The following GABRB3 variants were observed in gnomAD, a reference collection of about 807,000 sequenced individuals.
The protein encoded by GABRB3 is gamma-aminobutyric acid receptor subunit beta-3.
GABRB3 carries 14 observed loss-of-function variants against 52.1 expected under a neutral mutation model. The ratio of observed to expected loss-of-function variants is 0.27; its 90% CI spans 0.18 to 0.42. GABRB3 has a LOEUF of 0.42. Ranked by LOEUF, GABRB3 falls within the 10% of genes least tolerant of loss-of-function variation. GABRB3 has a pLI of 1.00. For synonymous variants in GABRB3, 260 were observed against 232.3 expected, an observed-to-expected ratio of 1.12 and a Z score of -1.08; for missense variants, 307 against 609.1, an observed-to-expected ratio of 0.50 and a Z score of 5.22.
intron 3 of GABRB3, among the ~76,000 whole-genome samples, chr15:26,643,644 GT>G (rs1357871755): frequency 4.6e-5 from 7 of 151,994 alleles, no homozygotes; most frequent in Admixed American, 4.6e-4. Flanking sequence ...GTGTGTGTGT[GT>G]GTGGGTTCAC....
At position 26,628,326 on chromosome 15, in the gene GABRB3, G is replaced by A. The variant is rs533647774; in HGVS notation, c.241-6792C>T. Among the ~76,000 whole-genome samples, 22 of 152,316 alleles carry A rather than the reference G, an allele frequency of 1.4e-4. No individual in the cohort carries two copies. In the South Asian group the frequency reaches 3.3e-3, roughly 23 times the overall value. On this transcript the variant is annotated intron_variant, in intron 3 of 8. Coordinates refer to ENST00000311550, the MANE Select transcript of GABRB3 (RefSeq NM_000814.6). ...AGCAAATGTTTATTGAGTGCTTACC[G>A]CCTGCTAGGCAACTTGGGGGAGGCG...
At chr15:26,660,039 G>A (rs570050786) in intron 3 of GABRB3, among the ~76,000 whole-genome samples, 15 of 152,044 alleles carry the variant, frequency 9.9e-5, no homozygotes, top group African/African-American at 1.4e-4. Flanking sequence ...AGACCAACCC[G>A]GCCAACACGG....
At chr15:26,601,478 C>T (rs1179711736) in intron 4 of GABRB3, among the ~76,000 whole-genome samples, 7 of 151,178 alleles carry the variant, frequency 4.6e-5, no homozygotes. Context: ...AGGAGGACAA[C>T]AAAAAAGGAA....
intron 3 of GABRB3, among the ~76,000 whole-genome samples, chr15:26,727,951 C>T (rs1242183615): frequency 6.6e-6 from 1 of 152,212 alleles, no homozygotes; most frequent in African/African-American, 2.4e-5. Context: ...TCACGTACCC[C>T]TGAGAGAAAC....
At chr15:26,687,984 T>C (rs1888460699) in intron 3 of GABRB3, among the ~76,000 whole-genome samples, 2 of 152,196 alleles carry the variant, frequency 1.3e-5, no homozygotes, top group South Asian at 4.1e-4. Flanking sequence ...GTGGACAACC[T>C]ATTACTGAGG....
chr15:26,618,297 G>A (rs919437435), intron 4 of GABRB3, among the ~76,000 whole-genome samples: 1 of 151,690 alleles, frequency 6.6e-6, no homozygotes, highest in African/African-American at 2.4e-5. Context: ...AAAACAGCAT[G>A]GTACTGGTAC....
At chr15:26,754,796 C>T (rs1890612616) in intron 3 of GABRB3, among the ~76,000 whole-genome samples, 1 of 152,132 alleles carries the variant, frequency 6.6e-6, no homozygotes, top group Non-Finnish European at 1.5e-5. Context: ...GAGGTGTGTG[C>T]AGTGATGATG....
At chr15:26,670,216 G>A (rs1333107879) in intron 3 of GABRB3, among the ~76,000 whole-genome samples, 2 of 152,228 alleles carry the variant, frequency 1.3e-5, no homozygotes, top group East Asian at 3.9e-4. Flanking sequence ...CGGCGAGCGG[G>A]AGGGAGGCCA....
chr15:26,665,594 T>C (rs560772824), intron 3 of GABRB3, among the ~76,000 whole-genome samples: 2 of 152,226 alleles, frequency 1.3e-5, no homozygotes, highest in Admixed American at 1.3e-4. Flanking sequence ...GAATAGGAAA[T>C]AAGGCAGAAA....
At chr15:26,610,628 GT>G (rs773349570) in intron 4 of GABRB3, among the ~76,000 whole-genome samples, 13 of 152,174 alleles carry the variant, frequency 8.5e-5, no homozygotes, top group Non-Finnish European at 1.6e-4. Context: ...GTGGGATGGA[GT>G]TATGTGATGA....
intron 3 of GABRB3, among the ~76,000 whole-genome samples, chr15:26,760,826 C>CACACACACACACACA (rs1442894453): frequency 4.6e-5 from 7 of 151,636 alleles, no homozygotes; most frequent in Non-Finnish European, 1.0e-4. Context: ...CACACACACA[C>CACACACACACACACA]AAGCAAACAA....
intron 3 of GABRB3, among the ~76,000 whole-genome samples, chr15:26,661,948 T>C (rs573091586): frequency 1.3e-5 from 2 of 152,276 alleles, no homozygotes; most frequent in South Asian, 2.1e-4. Context: ...AAAAAAAATG[T>C]TGCATTATAT....
intron 4 of GABRB3, chr15:26,616,097 C>T (rs1354129620): frequency 1.9e-5 from 24 of 1,287,236 alleles, no homozygotes; most frequent in Non-Finnish European, 2.2e-5. Context: ...TGTTGGGTTA[C>T]ACACACTGGC....
intron 3 of GABRB3, among the ~76,000 whole-genome samples, chr15:26,721,766 C>T (rs546339193): frequency 6.6e-6 from 1 of 152,052 alleles, no homozygotes; most frequent in South Asian, 2.1e-4. Flanking sequence ...CCCTGACAGG[C>T]ATCATAAATC....
Position 26,543,977 on chromosome 15 carries a change from T to A in GABRB3, c.*3816A>T, listed in dbSNP as rs1363041143. On this transcript the variant is annotated 3_prime_UTR_variant, in exon 9 of 9. Coordinates refer to ENST00000311550, the MANE Select transcript of GABRB3 (RefSeq NM_000814.6). The stretch of plus-strand genomic sequence containing the variant: ...AAGAGGTAATCAATCCAAGGCACAC[T>A]AGCTAGTGTCCTGGAAAAATTTAAT... 1 of 152,590 alleles carries A rather than the reference T, an allele frequency of 6.6e-6. No individual in the cohort carries two copies. Among genetic ancestry groups the A allele is most frequent in the South Asian group, 2.1e-4 (1 of 4,824 alleles). The allele number at this position is 152,590 out of a possible 1,614,324, so 9.5% of individuals were successfully genotyped here. A position where few individuals can be genotyped will look rare whatever the true frequency, so the allele number is the denominator to read the frequency against.
intron 3 of GABRB3, among the ~76,000 whole-genome samples, chr15:26,766,019 C>T (rs1234042968): frequency 6.6e-6 from 1 of 152,154 alleles, no homozygotes; most frequent in African/African-American, 2.4e-5. Flanking sequence ...GAGGTTAACA[C>T]CTCTATTACC....
rs972575207 is a variant in GABRB3 at position 26,621,298 on chromosome 15, G to A, written c.461+16C>T. The stretch of plus-strand genomic sequence containing the variant: ...ACCATGCAACAGCAAAATTGGTCCT[G>A]AAGAGGCACACAGACCTGAGCCCAT... On this transcript the variant is annotated intron_variant, in intron 4 of 8. Transcript: ENST00000311550. The surrounding 1 kb of genome is among the most constrained non-coding windows in gnomAD (Gnocchi z 4.1). 1 of 1,610,142 alleles carries A rather than the reference G, an allele frequency of 6.2e-7. No homozygotes were observed. Among genetic ancestry groups the A allele is most frequent in the Non-Finnish European group, 8.5e-7 (1 of 1,177,566 alleles).
At chr15:26,678,956 G>A (rs1202952203) in intron 3 of GABRB3, among the ~76,000 whole-genome samples, 1 of 152,172 alleles carries the variant, frequency 6.6e-6, no homozygotes, top group Admixed American at 6.5e-5. Flanking sequence ...TATACAGACA[G>A]AGTGGGATAG....
intron 6 of GABRB3, among the ~76,000 whole-genome samples, chr15:26,575,962 G>A (rs926913943): frequency 5.9e-5 from 9 of 152,098 alleles, no homozygotes; most frequent in Admixed American, 2.0e-4. Context: ...CAATCTTTCC[G>A]TTCAAAGACA....
Sources: gnomAD v4.1 joint callset for allele counts (sites outside exome capture counted in the v4.1 genomes callset) on GRCh38, gnomAD v4.1.1 for gene constraint, Gnocchi (gnomAD v3.1) non-coding constraint, MANE v1.5 for transcripts, NCBI Gene and HGNC (gene_info 2026-07-23, HGNC 2026-07-21) for gene names.